The following RPTOR variants were observed in gnomAD, a reference collection of about 807,000 sequenced individuals.
RPTOR encodes regulatory associated protein of MTOR complex 1.
A neutral mutation model predicts 169.9 loss-of-function variants in RPTOR; 21 were observed. The ratio of observed to expected loss-of-function variants is 0.12; its 90% CI spans 0.09 to 0.18. RPTOR has a LOEUF of 0.18. Among genes scored for constraint, RPTOR ranks in the 10% least tolerant of loss-of-function variants. The pLI is 1.00. For synonymous variants in RPTOR, 732 were observed against 753.2 expected (o/e 0.97, Z 0.46); for missense variants, 1,133 against 1,855.9 (o/e 0.61, Z 7.16).
chr17:80,834,561 G>A (rs188624132), intron 9 of RPTOR, among the ~76,000 whole-genome samples: 139 of 152,240 alleles, frequency 9.1e-4, no homozygotes, highest in African/African-American at 3.0e-3. Flanking sequence ...CTCCCACCCC[G>A]GGGCTGGATC....
chr17:80,907,448 G>A (rs140235503), intron 20 of RPTOR, among the ~76,000 whole-genome samples: 21 of 152,370 alleles, frequency 1.4e-4, no homozygotes, highest in African/African-American at 5.0e-4. Context: ...TGCCCTCCAC[G>A]CTCAGCGCCT....
intron 17 of RPTOR, among the ~76,000 whole-genome samples, chr17:80,888,751 G>T (rs1391038783): frequency 3.9e-5 from 6 of 152,192 alleles, no homozygotes. Flanking sequence ...GCCACGTGCC[G>T]GGCCGGCTGG....
chr17:80,654,223 T>G (rs1372864567), intron 3 of RPTOR, among the ~76,000 whole-genome samples: 1 of 152,324 alleles, frequency 6.6e-6, no homozygotes, highest in East Asian at 1.9e-4. Flanking sequence ...CCCCACCCCG[T>G]GGGGTCTTAA....
chr17:80,876,454 C>G (rs1238915953), intron 13 of RPTOR, among the ~76,000 whole-genome samples: 144 of 2,506 alleles, frequency 0.057, 57 homozygotes, highest in Middle Eastern at 0.5. Context: ...TCCCACCGAG[C>G]CCGTGCCACG....
chr17:80,666,472 C>T (rs1222316566), intron 3 of RPTOR, among the ~76,000 whole-genome samples: 4 of 152,136 alleles, frequency 2.6e-5, no homozygotes, highest in Admixed American at 6.5e-5. Flanking sequence ...AATCTAATCA[C>T]AGCCTGGGCA....
rs1309697208 is a variant in RPTOR, at chr17:80,726,682, T to A, written c.508-3878T>A. Among the ~76,000 whole-genome samples the A allele has an allele frequency of 6.6e-6, 1 of 151,972 alleles. No individual in the cohort carries two copies. Among genetic ancestry groups the A allele is most frequent in the Non-Finnish European group, 1.5e-5 (1 of 67,988 alleles). ...TGGTGGCGCAGAGGACGTTGTGAGGTGGCTGTAGGGTCAGGTGGCTGTAGG... is the reference window on the plus strand; with the variant it reads ...TGGTGGCGCAGAGGACGTTGTGAGGAGGCTGTAGGGTCAGGTGGCTGTAGG... On this transcript the variant is annotated intron_variant, in intron 4 of 33. Transcript: ENST00000306801. This position sits in a 1 kb window ranked among gnomAD's most constrained non-coding sequence, Gnocchi z 4.5.
chr17:80,678,668 C>T (rs568761348), intron 3 of RPTOR, among the ~76,000 whole-genome samples: 1 of 152,352 alleles, frequency 6.6e-6, no homozygotes, highest in African/African-American at 2.4e-5. Context: ...AATAGACAGT[C>T]ACCCATTCAC....
intron 2 of RPTOR, among the ~76,000 whole-genome samples, chr17:80,643,449 G>A (rs915041401): frequency 4.6e-5 from 7 of 152,196 alleles, no homozygotes; most frequent in East Asian, 1.9e-4. Flanking sequence ...GTGCAAGTGC[G>A]GGAAAGCTGC....
At chr17:80,856,813 A>G (rs972503113) in intron 12 of RPTOR, among the ~76,000 whole-genome samples, 2 of 152,232 alleles carry the variant, frequency 1.3e-5, no homozygotes, top group Non-Finnish European at 2.9e-5. Context: ...TCTTCCCTTT[A>G]AAGAATTAAG....
chr17:80,645,864 C>T (rs558224939), intron 3 of RPTOR, among the ~76,000 whole-genome samples: 13 of 152,278 alleles, frequency 8.5e-5, no homozygotes, highest in Admixed American at 2.0e-4. Context: ...ATTCGGACAG[C>T]GAGCACAGGT....
intron 7 of RPTOR, among the ~76,000 whole-genome samples, chr17:80,818,578 C>T (rs114571834): frequency 0.013 from 1,928 of 152,272 alleles, 42 homozygotes; most frequent in African/African-American, 0.043. Flanking sequence ...GACTCGGTTC[C>T]ACCTTGTCAC....
At chr17:80,824,698 G>A (rs1242109068) in intron 9 of RPTOR, among the ~76,000 whole-genome samples, 3 of 152,230 alleles carry the variant, frequency 2.0e-5, no homozygotes, top group African/African-American at 7.2e-5. Flanking sequence ...GGAGCGGGGT[G>A]GGCAGGGCCT....
intron 3 of RPTOR, among the ~76,000 whole-genome samples, chr17:80,699,092 T>G (rs564599209): frequency 4.5e-4 from 69 of 152,336 alleles, no homozygotes; most frequent in African/African-American, 1.6e-3. Flanking sequence ...ACTGCTGTAC[T>G]CCAACCCATC....
rs569007732 is a variant in RPTOR at position 80,892,876 on chromosome 17, T to A, written c.2242+7T>A. ...CTGAGTTTGACAGAGGAATGTAAGATCCTGGAAATCGGGTTATTGGATTGG... is the reference window on the plus strand; with the variant it reads ...CTGAGTTTGACAGAGGAATGTAAGAACCTGGAAATCGGGTTATTGGATTGG... On this transcript the variant is annotated splice_region_variant and intron_variant, in intron 19 of 33. Transcript: ENST00000306801. 1 of 1,612,954 alleles carries A rather than the reference T, an allele frequency of 6.2e-7. No homozygotes were observed. The highest frequency in any genetic ancestry group is 1.3e-5 in the African/African-American group (1 of 74,998).
At chr17:80,563,250 T>G (rs2084524758) in intron 1 of RPTOR, among the ~76,000 whole-genome samples, 1 of 151,866 alleles carries the variant, frequency 6.6e-6, no homozygotes, top group Non-Finnish European at 1.5e-5. Context: ...AGACAGGGCC[T>G]TGCTCTGCAA....
At position 80,779,329 on chromosome 17, in the gene RPTOR, G is replaced by T. The variant is rs530966375; in HGVS notation, c.831-12121G>T. Reference sequence around the variant, plus strand: ...CCCATTGTCTGGTGTCTTGTTGAGGGCTCTGGCCAGGTCAACAGGCAACTG... The same window carrying T: ...CCCATTGTCTGGTGTCTTGTTGAGGTCTCTGGCCAGGTCAACAGGCAACTG... On this transcript the variant is annotated intron_variant, in intron 6 of 33. Coordinates refer to ENST00000306801, the MANE Select transcript of RPTOR (RefSeq NM_020761.3). Among the ~76,000 whole-genome samples the T allele has an allele frequency of 2.6e-5, 4 of 152,336 alleles. No individual in the cohort carries two copies. The South Asian group carries it at 6.2e-4, about 24-fold the overall frequency.
chr17:80,685,220 T>C (rs1371453620), intron 3 of RPTOR, among the ~76,000 whole-genome samples: 2 of 106,576 alleles, frequency 1.9e-5, no homozygotes, highest in Non-Finnish European at 3.7e-5. Context: ...TTTCAGTGTA[T>C]GCCAGTGTGT....
chr17:80,582,016 C>T (rs2065019073), intron 1 of RPTOR, among the ~76,000 whole-genome samples: 1 of 152,314 alleles, frequency 6.6e-6, no homozygotes. Context: ...CTGAGAAGTG[C>T]TGCCCTGGGC....
rs1033065145 is a variant in RPTOR, at chr17:80,646,708, C to T, written c.348+2898C>T. 5.3e-5 allele frequency among the ~76,000 whole-genome samples: 8 copies of T among 152,114 alleles called. No individual in the cohort carries two copies. Among genetic ancestry groups the T allele is most frequent in the African/African-American group, 1.4e-4 (6 of 41,476 alleles). Reference sequence around the variant, plus strand: ...GCCATCTGCAATAAAACAATGGGGGCGTTATTAAATTTCCCAGACCTTCAG... The same window carrying T: ...GCCATCTGCAATAAAACAATGGGGGTGTTATTAAATTTCCCAGACCTTCAG... On this transcript the variant is annotated intron_variant, in intron 3 of 33. Coordinates refer to ENST00000306801, the MANE Select transcript of RPTOR (RefSeq NM_020761.3). This position sits in a 1 kb window ranked among gnomAD's most constrained non-coding sequence, Gnocchi z 5.0.
Sources: allele counts gnomAD v4.1 joint callset (sites outside exome capture counted in the v4.1 genomes callset), GRCh38; gene constraint gnomAD v4.1.1; non-coding constraint Gnocchi (gnomAD v3.1); transcripts MANE v1.5; gene names NCBI Gene and HGNC (gene_info 2026-07-23, HGNC 2026-07-21).